The following ABCB9 variants were observed in gnomAD, a reference collection of about 807,000 sequenced individuals.
ABCB9 encodes ABC-type oligopeptide transporter ABCB9.
Under a neutral mutation model 62.0 loss-of-function variants are expected in ABCB9, and 36 were observed. The ratio of observed to expected loss-of-function variants is 0.58; its 90% CI spans 0.45 to 0.77. The LOEUF is 0.77. ABCB9 is among the 30% of genes least tolerant of loss of function. The pLI is 0.00. For missense variants in ABCB9, 943 were observed against 1,054.7 expected (o/e 0.89, Z 1.47); for synonymous variants, 435 against 461.4 (o/e 0.94, Z 0.73).
rs148865298 is a variant in ABCB9 at position 122,943,193 on chromosome 12, G to A, written c.1380+1198C>T. ...CAGATGGGATGACTCTGGTGCTGGT[G>A]TCCTACCCTGTCCGCTAGAAGGATC... On this transcript the variant is annotated intron_variant, in intron 7 of 11. Coordinates refer to ENST00000280560, the MANE Select transcript of ABCB9 (RefSeq NM_019625.4). 9.2e-5 allele frequency among the ~76,000 whole-genome samples: 14 copies of A among 152,242 alleles called. No individual in the cohort carries two copies. The East Asian group carries it at 2.3e-3, about 25-fold the overall frequency.
chr12:122,970,560 T>A (rs1281236516), upstream of ABCB9, among the ~76,000 whole-genome samples: 1 of 152,130 alleles, frequency 6.6e-6, no homozygotes. Context: ...GAAGCTTTAT[T>A]CTATTGAATG....
chr12:122,973,578 GAAAAAAAAAAA>G (rs57853191), intron 1 of ABCB9, among the ~76,000 whole-genome samples: 25 of 50,340 alleles, frequency 5.0e-4, no homozygotes, highest in South Asian at 1.1e-3. Flanking sequence ...CTCAAAAAAA[GAAAAAAAAAAA>G]AAAAAAAAAA....
At chr12:122,953,764 T>G (rs1016183129) in intron 2 of ABCB9, among the ~76,000 whole-genome samples, 2 of 152,014 alleles carry the variant, frequency 1.3e-5, no homozygotes, top group African/African-American at 4.8e-5. Flanking sequence ...TCAAGTGATC[T>G]GCCCGCCTCG....
chr12:122,927,722 C>A (rs757511907), downstream of ABCB9, among the ~76,000 whole-genome samples: 2 of 152,120 alleles, frequency 1.3e-5, no homozygotes, highest in Non-Finnish European at 2.9e-5. Flanking sequence ...AAGCCCCTTG[C>A]GAGGGACTTT....
At position 122,947,723 on chromosome 12, in the gene ABCB9, G is replaced by A. The variant is rs2036120983; in HGVS notation, c.1053+901C>T. The A allele has an allele frequency of 4.0e-6, 1 of 250,580 alleles. No homozygotes were observed. The highest frequency in any genetic ancestry group is 4.5e-5 in the Admixed American group (1 of 22,122). The allele number at this position is 250,580 out of a possible 1,614,324, so 15.5% of individuals were successfully genotyped here. ...GAAGCAGTGCCGTGGGGTGGCCAGA[G>A]GGGACAGCAGCCTGCCCATGATGGC... On this transcript the variant is annotated intron_variant, in intron 5 of 11. Coordinates refer to ENST00000280560, the MANE Select transcript of ABCB9 (RefSeq NM_019625.4). This position sits in a 1 kb window ranked among gnomAD's most constrained non-coding sequence, Gnocchi z 6.0.
intron 9 of ABCB9, among the ~76,000 whole-genome samples, chr12:122,937,916 T>C (rs1033513354): frequency 1.2e-4 from 19 of 152,222 alleles, no homozygotes; most frequent in African/African-American, 4.3e-4. Flanking sequence ...ATGGTTCCTT[T>C]CCTGAAAGGA....
Position 122,947,453 on chromosome 12 carries a change from A to C in ABCB9, c.1053+1171T>G. On this transcript the variant is annotated intron_variant, in intron 5 of 11. Coordinates refer to ENST00000280560, the MANE Select transcript of ABCB9 (RefSeq NM_019625.4). This position sits in a 1 kb window ranked among gnomAD's most constrained non-coding sequence, Gnocchi z 6.0. ...CAGGTCACCAACACCAAAGGCTCCA[A>C]TGGAGCTGCGACAATGACTTACCCG... 1 of 453,436 alleles carries C rather than the reference A, an allele frequency of 2.2e-6. No individual in the cohort carries two copies. The highest frequency in any genetic ancestry group is 4.4e-6 in the Non-Finnish European group (1 of 225,210). The allele number at this position is 453,436 out of a possible 1,614,324, so 28.1% of individuals were successfully genotyped here.
intron 1 of ABCB9, among the ~76,000 whole-genome samples, chr12:122,963,495 T>C (rs1472176164): frequency 6.6e-6 from 1 of 151,896 alleles, no homozygotes; most frequent in Non-Finnish European, 1.5e-5. Flanking sequence ...ATTTTACAGT[T>C]AGGAAAACTG....
Position 122,940,674 on chromosome 12 carries a change from CA to C in ABCB9, c.1569+132del, listed in dbSNP as rs1410825069. On this transcript the variant is annotated intron_variant, in intron 8 of 11. Coordinates refer to ENST00000280560, the MANE Select transcript of ABCB9 (RefSeq NM_019625.4). The surrounding 1 kb of genome is among the most constrained non-coding windows in gnomAD (Gnocchi z 4.8). ...GTATCTGTCTTCCCCAACTGGAGCC[CA>C]AAACTCCTGGAGGGCAATGATCTTG... 63 of 1,176,888 alleles carry C rather than the reference CA, an allele frequency of 5.4e-5. No homozygotes were observed. Among genetic ancestry groups the C allele is most frequent in the Non-Finnish European group, 6.8e-5 (59 of 864,564 alleles). 72.9% of individuals were successfully genotyped at this position (1,176,888 alleles called of 1,614,324 possible).
intron 9 of ABCB9, among the ~76,000 whole-genome samples, chr12:122,938,683 C>T (rs1208689413): frequency 6.6e-6 from 1 of 151,738 alleles, no homozygotes; most frequent in Non-Finnish European, 1.5e-5. Context: ...AAAAAATTAG[C>T]CAGGCGTTGT....
intron 9 of ABCB9, among the ~76,000 whole-genome samples, chr12:122,936,011 G>A (rs1460257878): frequency 6.6e-6 from 1 of 152,084 alleles, no homozygotes; most frequent in Non-Finnish European, 1.5e-5. Flanking sequence ...TTCAAGACCA[G>A]CCTGGGCAAC....
At chr12:122,949,684 G>A (rs2036248103) in intron 4 of ABCB9, 104 bp downstream of exon 4, 2 of 1,445,048 alleles carry the variant, frequency 1.4e-6, no homozygotes, top group Non-Finnish European at 1.9e-6. Context: ...GGAGAAGACA[G>A]AGGGCTGAGA....
At chr12:122,970,532 G>A (rs919751748), upstream of ABCB9, among the ~76,000 whole-genome samples, 6 of 152,118 alleles carry the variant, frequency 3.9e-5, no homozygotes, top group African/African-American at 1.4e-4. Context: ...ACAGGTGTGA[G>A]CCACCACACC....
At chr12:122,952,012 C>T (rs901642133) in intron 2 of ABCB9, 2 of 152,242 alleles carry the variant, frequency 1.3e-5, no homozygotes, top group African/African-American at 2.4e-5. Context: ...CCTGGTTTGC[C>T]ATCTCTCGCC....
intron 11 of ABCB9, among the ~76,000 whole-genome samples, chr12:122,921,691 C>G (rs943923530): frequency 1.3e-5 from 2 of 152,088 alleles, no homozygotes; most frequent in South Asian, 2.1e-4. Context: ...GCAGGAGAAT[C>G]GCTTGAATAT....
intron 1 of ABCB9, among the ~76,000 whole-genome samples, chr12:122,971,559 T>G (rs907372992): frequency 1.3e-5 from 2 of 152,070 alleles, no homozygotes; most frequent in Admixed American, 6.5e-5. Context: ...GTTCAAGTGA[T>G]TCTCCCACCT....
Position 122,972,557 on chromosome 12 carries a change from C to A in ABCB9, c.-88+2158G>T, listed in dbSNP as rs56889755. Among the ~76,000 whole-genome samples, 979 of 152,208 alleles carry A rather than the reference C, an allele frequency of 6.4e-3. 14 individuals carry two copies. Among genetic ancestry groups the A allele is most frequent in the African/African-American group, 0.023 (946 of 41,524 alleles). On this transcript the variant is annotated intron_variant, in intron 1 of 11. Transcript: ENST00000392439. ...ACAGAGTCTCACTCTGTCGCCCAGGCTGGAGTGCAGTGGCGCAATCTCGGC... is the reference window on the plus strand; with the variant it reads ...ACAGAGTCTCACTCTGTCGCCCAGGATGGAGTGCAGTGGCGCAATCTCGGC...
At chr12:122,960,368 C>CTTGAGAA in intron 1 of ABCB9, 46 bp from the exon 2 acceptor site, 1 of 1,257,248 alleles carries the variant, frequency 8.0e-7, no homozygotes, top group Non-Finnish European at 1.1e-6. Context: ...TCAGGTTTGC[C>CTTGAGAA]ACTCGCTGGC....
In ABCB9 at chr12:122,932,476, A is replaced by C; in HGVS notation, c.1904-148T>G. The C allele has an allele frequency of 9.3e-7, 1 of 1,079,570 alleles. No homozygotes were observed. Among genetic ancestry groups the C allele is most frequent in the African/African-American group, 1.6e-5 (1 of 62,910 alleles). The allele number at this position is 1,079,570 out of a possible 1,614,324, so 66.9% of individuals were successfully genotyped here. A position where few individuals can be genotyped will look rare whatever the true frequency, so the allele number is the denominator to read the frequency against. ...CATGAAATGATGTTCCCCCCACCCA[A>C]CTCATAAGGGGCATGCAGATTAAGC... On this transcript the variant is annotated intron_variant, in intron 10 of 11. Coordinates refer to ENST00000280560, the MANE Select transcript of ABCB9 (RefSeq NM_019625.4). This position sits in a 1 kb window ranked among gnomAD's most constrained non-coding sequence, Gnocchi z 4.7.
Sources: allele counts gnomAD v4.1 joint callset (sites outside exome capture counted in the v4.1 genomes callset), GRCh38; gene constraint gnomAD v4.1.1; non-coding constraint Gnocchi (gnomAD v3.1); transcripts MANE v1.5; gene names NCBI Gene and HGNC (gene_info 2026-07-23, HGNC 2026-07-21).